GGTA1: variants seen among roughly 807,000 people sequenced by gnomAD.
GGTA1 encodes the protein glycoprotein alpha-galactosyltransferase 1 (inactive).
In GGTA1, 5 loss-of-function variants were observed where a neutral mutation model predicts 2.6. The ratio of observed to expected loss-of-function variants is 1.92; its 90% confidence interval spans 1.00 to 4.04. The LOEUF is 4.04. Ranked by LOEUF, GGTA1 falls within the 30% of genes most tolerant of loss-of-function variation. GGTA1 has a pLI of 0.00. For missense variants in GGTA1, 50 were observed against 16.7 expected (o/e 2.99, Z -3.47); for synonymous variants, 17 against 5.0 (o/e 3.38, Z -3.19).
intron 5 of GGTA1, among the ~76,000 whole-genome samples, chr9:121,456,295 C>T (rs1275083056): frequency 6.6e-6 from 1 of 152,186 alleles, no homozygotes; most frequent in East Asian, 1.9e-4. Context: ...ACAAAAGCTT[C>T]CCCCAAAATA....
At chr9:121,453,467 G>A (rs1297830347), downstream of GGTA1, among the ~76,000 whole-genome samples, 3 of 152,198 alleles carry the variant, frequency 2.0e-5, no homozygotes, top group Non-Finnish European at 4.4e-5. Flanking sequence ...TGAAGCTCCA[G>A]GCAGGGGGAG....
chr9:121,490,383 C>T (rs945162179), intron 1 of GGTA1, among the ~76,000 whole-genome samples: 14 of 152,190 alleles, frequency 9.2e-5, no homozygotes, highest in Non-Finnish European at 1.9e-4. Context: ...TCATCTGAAA[C>T]CTCCCCAGAA....
chr9:121,492,479 T>G (rs2118770936), intron 1 of GGTA1, among the ~76,000 whole-genome samples: 1 of 152,236 alleles, frequency 6.6e-6, no homozygotes, highest in Non-Finnish European at 1.5e-5. Flanking sequence ...TTATTTTATT[T>G]ATTTTATTTT....
rs532547013 is a variant in GGTA1 at position 121,480,061 on chromosome 9, C to CT, written c.-9-12131dup. On this transcript the variant is annotated intron_variant, in intron 1 of 5. Transcript: ENST00000481799. ...TTTCTTTCTTTTTTTCTTTTCTTTT[C>CT]TTTTTTTTTTTTGAGATGGAGTCTC... is the stretch of plus-strand genomic sequence containing the variant. 7.6e-3 allele frequency among the ~76,000 whole-genome samples: 1,063 copies of CT among 139,814 alleles called. 11 individuals carry two copies. Among genetic ancestry groups the CT allele is most frequent in the South Asian group, 0.039 (175 of 4,480 alleles). The allele number at this position is 139,814 out of a possible 152,430, so 91.7% of individuals were successfully genotyped here.
downstream of GGTA1, among the ~76,000 whole-genome samples, chr9:121,453,584 G>A (rs973295067): frequency 6.6e-6 from 1 of 152,170 alleles, no homozygotes; most frequent in African/African-American, 2.4e-5. Flanking sequence ...CTGGCACCCT[G>A]CTTGGCATTT....
At chr9:121,485,089 G>A (rs1008670922) in intron 1 of GGTA1, among the ~76,000 whole-genome samples, 1 of 152,218 alleles carries the variant, frequency 6.6e-6, no homozygotes, top group Non-Finnish European at 1.5e-5. Context: ...TTTGGAATCT[G>A]GAAGAGGCTC....
chr9:121,479,307 G>A (rs1828583972), intron 1 of GGTA1: 2 of 358,998 alleles, frequency 5.6e-6, no homozygotes, highest in Non-Finnish European at 1.1e-5. Context: ...GCAGGACTCA[G>A]AGAAAGGGAA....
At chr9:121,479,000 C>G in intron 1 of GGTA1, 1 of 445,408 alleles carries the variant, frequency 2.2e-6, no homozygotes, top group Non-Finnish European at 4.4e-6. Context: ...AGGAAAAACT[C>G]CAGGCTGCAG....
chr9:121,493,138 GAA>G (rs79574958), intron 1 of GGTA1, among the ~76,000 whole-genome samples: 4 of 142,178 alleles, frequency 2.8e-5, no homozygotes, highest in Non-Finnish European at 4.6e-5. Context: ...TGTCTCCAAA[GAA>G]AAAAAAAAAA....
downstream of GGTA1, among the ~76,000 whole-genome samples, chr9:121,452,612 A>G (rs1589325597): frequency 6.6e-6 from 1 of 151,724 alleles, no homozygotes; most frequent in Non-Finnish European, 1.5e-5. Context: ...TCTGCCTCCC[A>G]GGTTCAAGTG....
rs1828522294 is a variant in GGTA1 at position 121,476,958 on chromosome 9, G to A, written c.-9-9027C>T. Among the ~76,000 whole-genome samples, 1 of 152,076 alleles carries A rather than the reference G, an allele frequency of 6.6e-6. No individual in the cohort carries two copies. Among genetic ancestry groups the A allele is most frequent in the African/African-American group, 2.4e-5 (1 of 41,402 alleles). On this transcript the variant is annotated intron_variant, in intron 1 of 5. Transcript: ENST00000481799. This position sits in a 1 kb window ranked among gnomAD's most constrained non-coding sequence, Gnocchi z 4.6. ...ACCCACCTAGGTCCCAGAAACAACC[G>A]GTCCCAGGTGGACCTTGTTGAGCAC...
chr9:121,474,397 C>T (rs1828461978), intron 1 of GGTA1, among the ~76,000 whole-genome samples: 1 of 152,198 alleles, frequency 6.6e-6, no homozygotes, highest in South Asian at 2.1e-4. Flanking sequence ...GCAGATTATG[C>T]TAAAAATATA....
chr9:121,464,528 C>T (rs1358835178), intron 2 of GGTA1, among the ~76,000 whole-genome samples: 2 of 150,644 alleles, frequency 1.3e-5, no homozygotes, highest in African/African-American at 4.9e-5. Context: ...GGTTTCACCA[C>T]GTTGGTCAGG....
chr9:121,496,456 C>A (rs572095673), intron 1 of GGTA1, among the ~76,000 whole-genome samples: 1 of 151,992 alleles, frequency 6.6e-6, no homozygotes, highest in Non-Finnish European at 1.5e-5. Flanking sequence ...GTAGGCCGGG[C>A]GTGGTGGCTC....
intron 1 of GGTA1, among the ~76,000 whole-genome samples, chr9:121,473,148 C>G (rs1187130368): frequency 6.6e-6 from 1 of 151,920 alleles, no homozygotes; most frequent in Non-Finnish European, 1.5e-5. Context: ...GGCAAAACCC[C>G]TTCTCTACTA....
chr9:121,457,278 T>C (rs572081846), intron 5 of GGTA1, among the ~76,000 whole-genome samples: 8 of 152,234 alleles, frequency 5.3e-5, no homozygotes, highest in Admixed American at 3.9e-4. Context: ...CATGCAGAGA[T>C]GTCAGGCAGA....
In GGTA1 at chr9:121,496,757, A is replaced by AAAAAAAAAAAAAAAAAAGAG. The variant is rs1554838784; in HGVS notation, c.-10+2892_-10+2893insCTCTTTTTTTTTTTTTTTTT. ...AAAAAAAAAAAAAAAAAAAAAAAAA[A>AAAAAAAAAAAAAAAAAAGAG]AGAGAGAGAGAATCGCTTGAATGAA... On this transcript the variant is annotated intron_variant, in intron 1 of 5. Coordinates refer to ENST00000481799, the MANE Select transcript of GGTA1 (RefSeq NM_001382585.1). Among the ~76,000 whole-genome samples, 148 of 111,882 alleles carry AAAAAAAAAAAAAAAAAAGAG rather than the reference A, an allele frequency of 1.3e-3. 17 individuals carry two copies. The highest frequency in any genetic ancestry group is 2.1e-3 in the Non-Finnish European group (101 of 48,240). The allele number at this position is 111,882 out of a possible 152,430, so 73.4% of individuals were successfully genotyped here.
intron 2 of GGTA1, among the ~76,000 whole-genome samples, chr9:121,465,022 A>C (rs548613036): frequency 6.6e-6 from 1 of 151,870 alleles, no homozygotes; most frequent in South Asian, 2.1e-4. Flanking sequence ...AAAAAAACAA[A>C]AAACAACTCC....
chr9:121,474,013 G>GGAAAGAAAGAAAAGAAAGGAAA (rs1828454535), intron 1 of GGTA1, among the ~76,000 whole-genome samples: 2 of 148,016 alleles, frequency 1.4e-5, no homozygotes, highest in African/African-American at 5.0e-5. Flanking sequence ...AAAGAAACAA[G>GGAAAGAAAGAAAAGAAAGGAAA]GAAAGAAAGA....
Sources: allele counts gnomAD v4.1 joint callset (sites outside exome capture counted in the v4.1 genomes callset), GRCh38; gene constraint gnomAD v4.1.1; non-coding constraint Gnocchi (gnomAD v3.1); transcripts MANE v1.5; gene names NCBI Gene and HGNC (gene_info 2026-07-23, HGNC 2026-07-21).